TUSC3: variants seen among roughly 807,000 people sequenced by gnomAD.
TUSC3 encodes dolichyl-diphosphooligosaccharide--protein glycosyltransferase subunit TUSC3.
In TUSC3, 45 loss-of-function variants were observed where a neutral mutation model predicts 44.8. The observed-to-expected ratio is 1.00, with a 90% CI of 0.79 to 1.29. The LOEUF (loss-of-function observed/expected upper bound fraction) is 1.29, where lower values mean the gene tolerates loss of function less well. Among genes scored for constraint, TUSC3 ranks in the 50% most tolerant of loss-of-function variants. The pLI is 0.00. For synonymous variants in TUSC3, 212 were observed against 152.9 expected (o/e 1.39, Z -2.85); for missense variants, 519 against 437.9 (o/e 1.19, Z -1.65).
chr8:15,491,500 AG>A (rs151156742), intron 2 of TUSC3, among the ~76,000 whole-genome samples: 3,530 of 152,186 alleles, frequency 0.023, 56 homozygotes, highest in Middle Eastern at 0.051. Flanking sequence ...CCAAAGGTTT[AG>A]GTAACTAAGG....
At chr8:15,838,085 C>A in the TUSC3 span, among the ~76,000 whole-genome samples, 1 of 152,096 alleles carries the variant, frequency 6.6e-6, no homozygotes, top group African/African-American at 2.4e-5. Context: ...CTCTCTCTCC[C>A]TCCAGTTGTA....
At chr8:15,430,702 G>A (rs954613543) in intron 1 of TUSC3, among the ~76,000 whole-genome samples, 2 of 151,650 alleles carry the variant, frequency 1.3e-5, no homozygotes, top group Non-Finnish European at 2.9e-5. Context: ...CCTGTTTGCA[G>A]ATGACATGCT....
At chr8:15,738,511 T>C (rs1454100509) in intron 7 of TUSC3, among the ~76,000 whole-genome samples, 1 of 152,174 alleles carries the variant, frequency 6.6e-6, no homozygotes, top group East Asian at 1.9e-4. Flanking sequence ...TGCCTGTGAC[T>C]ACTTTTGCAC....
intron 3 of TUSC3, among the ~76,000 whole-genome samples, chr8:15,655,631 C>G (rs1323955603): frequency 1.3e-5 from 2 of 152,196 alleles, no homozygotes; most frequent in Non-Finnish European, 2.9e-5. Context: ...CACTCCTGCT[C>G]TAAAACTTGC....
the TUSC3 span, among the ~76,000 whole-genome samples, chr8:15,778,972 T>C: frequency 2.0e-5 from 3 of 152,142 alleles, no homozygotes; most frequent in African/African-American, 7.2e-5. Flanking sequence ...CACAATAATA[T>C]CACTTCTACA....
chr8:15,562,535 G>A (rs1585103872), intron 1 of TUSC3, among the ~76,000 whole-genome samples: 1 of 152,184 alleles, frequency 6.6e-6, no homozygotes, highest in East Asian at 1.9e-4. Flanking sequence ...CAGAAGTCTG[G>A]GCATGGTGTA....
chr8:15,540,330 C>T lies in TUSC3; in HGVS notation c.-101C>T. The T allele has an allele frequency of 7.3e-7, 1 of 1,367,698 alleles. No homozygotes were observed. The highest frequency in any genetic ancestry group is 9.4e-7 in the Non-Finnish European group (1 of 1,060,608). 84.7% of individuals were successfully genotyped at this position (1,367,698 alleles called of 1,614,324 possible). On this transcript the variant is annotated 5_prime_UTR_variant, in exon 1 of 11. Coordinates refer to ENST00000503731, the MANE Select transcript of TUSC3 (RefSeq NM_006765.4). ...CAAAGCCGCTGCCATCCCGGAGGGC[C>T]CAGCCAGCGGGCTCCCGGAGGCTGG... is the stretch of plus-strand genomic sequence containing the variant.
chr8:15,662,306 T>C lies in TUSC3; in HGVS notation c.708+10T>C. ...GGCCATGGTGTCTCTGGTATGTTAA[T>C]ACATTGTGCTTTTTTTATTTCCTGT... On this transcript the variant is annotated intron_variant, in intron 5 of 10. Transcript: ENST00000503731. The C allele has an allele frequency of 6.2e-7, 1 of 1,612,558 alleles. No individual in the cohort carries two copies. Among genetic ancestry groups the C allele is most frequent in the Non-Finnish European group, 8.5e-7 (1 of 1,178,824 alleles).
chr8:15,604,614 G>A (rs778002296), intron 1 of TUSC3, among the ~76,000 whole-genome samples: 2 of 151,688 alleles, frequency 1.3e-5, no homozygotes, highest in African/African-American at 2.4e-5. Context: ...AGGTACATAT[G>A]GGTTACTGAA....
At chr8:15,622,356 T>C (rs1467509954) in intron 1 of TUSC3, among the ~76,000 whole-genome samples, 1 of 151,974 alleles carries the variant, frequency 6.6e-6, no homozygotes, top group Non-Finnish European at 1.5e-5. Context: ...TATCTTGAAC[T>C]CCTTGGGCTC....
At chr8:15,816,234 T>A in the TUSC3 span, among the ~76,000 whole-genome samples, 2 of 152,188 alleles carry the variant, frequency 1.3e-5, no homozygotes, top group Non-Finnish European at 2.9e-5. Context: ...GAGATTTAGA[T>A]AATGAAGAGA....
intron 6 of TUSC3, among the ~76,000 whole-genome samples, chr8:15,717,274 G>T (rs942369353): frequency 2.0e-5 from 3 of 152,014 alleles, no homozygotes; most frequent in African/African-American, 7.2e-5. Context: ...GGTGAATTTT[G>T]GTTTATCAGT....
the TUSC3 span, among the ~76,000 whole-genome samples, chr8:15,824,572 C>T: frequency 6.8e-6 from 1 of 146,928 alleles, no homozygotes. Context: ...AACACATGGA[C>T]ACAGGAAGGG....
rs193268519 is a variant in TUSC3, at chr8:15,440,560, G to C, written n.91+23255G>C. 3.3e-5 allele frequency among the ~76,000 whole-genome samples: 5 copies of C among 152,320 alleles called. No individual in the cohort carries two copies. The East Asian group carries it at 9.7e-4, about 29-fold the overall frequency. ...AGAGGAGAATCAAACAGACTAGTTAGAAGTCTGTTAAAGAAATTGAGGCAT... is the reference window on the plus strand; with the variant it reads ...AGAGGAGAATCAAACAGACTAGTTACAAGTCTGTTAAAGAAATTGAGGCAT... On this transcript the variant is annotated intron_variant and non_coding_transcript_variant, in intron 1 of 5. Transcript: ENST00000503191.
At chr8:15,749,735 T>G (rs1376631011) in intron 9 of TUSC3, among the ~76,000 whole-genome samples, 2 of 149,862 alleles carry the variant, frequency 1.3e-5, no homozygotes, top group East Asian at 2.0e-4. Flanking sequence ...AGATGAAGTT[T>G]TTTTTTTTTT....
chr8:15,462,672 T>A (rs1800360965), intron 1 of TUSC3, among the ~76,000 whole-genome samples: 1 of 152,172 alleles, frequency 6.6e-6, no homozygotes, highest in African/African-American at 2.4e-5. Flanking sequence ...CGCAGGCATT[T>A]AATTCTTAAA....
intron 6 of TUSC3, among the ~76,000 whole-genome samples, chr8:15,694,054 G>C (rs1228468329): frequency 2.0e-5 from 3 of 151,908 alleles, no homozygotes; most frequent in South Asian, 4.2e-4. Flanking sequence ...GTATTCCTTA[G>C]AATCCTTGCA....
intron 1 of TUSC3, among the ~76,000 whole-genome samples, chr8:15,448,146 T>C: frequency 6.7e-6 from 1 of 149,640 alleles, no homozygotes; most frequent in Admixed American, 6.7e-5. Context: ...TTAGATGGAG[T>C]CTTGCTCTGT....
chr8:15,607,153 G>A (rs1460133272), intron 1 of TUSC3, among the ~76,000 whole-genome samples: 3 of 152,030 alleles, frequency 2.0e-5, no homozygotes, highest in African/African-American at 7.2e-5. Context: ...GGGGGAGAGC[G>A]TCTGAACCAA....
Sources: gnomAD v4.1 joint callset for allele counts (sites outside exome capture counted in the v4.1 genomes callset) on GRCh38, gnomAD v4.1.1 for gene constraint, MANE v1.5 for transcripts, NCBI Gene and HGNC (gene_info 2026-07-23, HGNC 2026-07-21) for gene names.